The following TRMT10B variants were observed in gnomAD, a reference collection of about 807,000 sequenced individuals.
TRMT10B encodes tRNA methyltransferase 10B.
A neutral mutation model predicts 43.8 loss-of-function variants in TRMT10B; 33 were observed. The observed-to-expected ratio is 0.75, with a 90% CI of 0.57 to 1.01. The LOEUF is 1.01. Ranked by LOEUF, TRMT10B falls within the 50% of genes least tolerant of loss-of-function variation. The pLI, the probability that TRMT10B is intolerant of heterozygous loss-of-function variation, is 0.00. For missense variants in TRMT10B, 362 were observed against 369.8 expected (o/e 0.98, Z 0.17); for synonymous variants, 137 against 130.6 (o/e 1.05, Z -0.34).
chr9:37,752,952 A>G (rs1239207259), upstream of TRMT10B, among the ~76,000 whole-genome samples: 2 of 152,070 alleles, frequency 1.3e-5, no homozygotes, highest in African/African-American at 4.8e-5. Flanking sequence ...GTTCTTTGTA[A>G]TAAATCTTGT....
At chr9:37,763,806 A>G (rs1215926110) in intron 4 of TRMT10B, 53 bp downstream of exon 4, 1 of 1,612,058 alleles carries the variant, frequency 6.2e-7, no homozygotes, top group Non-Finnish European at 8.5e-7. Context: ...GAGGCCCAGA[A>G]GGGTACAGCT....
chr9:37,778,504 G>A lies in TRMT10B; in HGVS notation c.*797G>A, dbSNP rs62539385. 1 of 150,318 alleles carries A rather than the reference G, an allele frequency of 6.7e-6. No homozygotes were observed. The highest frequency in any genetic ancestry group is 1.9e-4 in the East Asian group (1 of 5,154). 9.3% of individuals were successfully genotyped at this position (150,318 alleles called of 1,614,324 possible). ...CGACAGAGCCAGACTCTTGTCTCGAGGGGAAAAAAAAAAAAAATTATGTAA... is the reference window on the plus strand; with the variant it reads ...CGACAGAGCCAGACTCTTGTCTCGAAGGGAAAAAAAAAAAAAATTATGTAA... On this transcript the variant is annotated 3_prime_UTR_variant, in exon 9 of 9. Transcript: ENST00000297994.
chr9:37,761,683 A>G (rs1162422936), intron 1 of TRMT10B, among the ~76,000 whole-genome samples: 3 of 152,196 alleles, frequency 2.0e-5, no homozygotes, highest in Admixed American at 6.5e-5. Flanking sequence ...GAGTAACGAG[A>G]GCAAAACCGT....
chr9:37,778,919 C>T lies in TRMT10B; in HGVS notation c.*1212C>T, dbSNP rs1047718343. On this transcript the variant is annotated 3_prime_UTR_variant, in exon 9 of 9. Coordinates refer to ENST00000297994, the MANE Select transcript of TRMT10B (RefSeq NM_144964.4). ...TCTTTCTATCCTCCCTGAGCCTGTA[C>T]CAACTAGATTCTTCATATGTATTTG... 2.0e-5 allele frequency: 3 copies of T among 152,280 alleles called. No homozygotes were observed. The highest frequency in any genetic ancestry group is 4.8e-5 in the African/African-American group (2 of 41,548). The allele number at this position is 152,280 out of a possible 1,614,324, so 9.4% of individuals were successfully genotyped here. A position where few individuals can be genotyped will look rare whatever the true frequency, so the allele number is the denominator to read the frequency against.
chr9:37,773,867 C>CT (rs1487240781), intron 7 of TRMT10B, among the ~76,000 whole-genome samples: 1 of 148,038 alleles, frequency 6.8e-6, no homozygotes, highest in Non-Finnish European at 1.5e-5. Flanking sequence ...TGGAGGACTA[C>CT]TTGAACCCAA....
At chr9:37,763,243 T>C (rs1826612022) in intron 3 of TRMT10B, among the ~76,000 whole-genome samples, 1 of 151,710 alleles carries the variant, frequency 6.6e-6, no homozygotes, top group South Asian at 2.1e-4. Flanking sequence ...ATAGGAGTGA[T>C]ACCAGCAACA....
In TRMT10B at chr9:37,776,359, C is replaced by T; in HGVS notation, c.798C>T (p.Asn266=). The T allele has an allele frequency of 6.2e-7, 1 of 1,612,448 alleles. No individual in the cohort carries two copies. The highest frequency in any genetic ancestry group is 8.5e-7 in the Non-Finnish European group (1 of 1,179,222). ...CAATCCAGGAATACATGGTCAGAAACCAGAATGGGAAAAACTATCATTCAG... is the reference window on the plus strand; with the variant it reads ...CAATCCAGGAATACATGGTCAGAAATCAGAATGGGAAAAACTATCATTCAG... ...RLPIQEYMVR[N]QNGKNYHSEI... is the part of the protein sequence containing the mutation. The change falls in exon 8 of 9, where the codon AAC becomes AAT. Residue 266 remains asparagine (N), a synonymous_variant. Coordinates refer to ENST00000297994, the MANE Select transcript of TRMT10B (RefSeq NM_144964.4).
chr9:37,759,591 G>T (rs954784874), intron 1 of TRMT10B, among the ~76,000 whole-genome samples: 2 of 152,194 alleles, frequency 1.3e-5, no homozygotes, highest in Non-Finnish European at 2.9e-5. Context: ...GCCAAGGCAG[G>T]TGAATCACTT....
rs1259559731 is a variant in TRMT10B at position 37,769,994 on chromosome 9, G to T, written c.627G>T (p.Val209=). Reference sequence around the variant, plus strand: ...GTTTATTTCCCTTGGAAACCCTTGTGTACCTGACTCCTGACTCAGAACACG... The same window carrying T: ...GTTTATTTCCCTTGGAAACCCTTGTTTACCTGACTCCTGACTCAGAACACG... ...CFSLFPLETL[V]YLTPDSEHAL... The change falls in exon 6 of 9, where the codon GTG becomes GTT. Residue 209 remains valine, a synonymous_variant. Transcript: ENST00000297994. The T allele has an allele frequency of 1.2e-6, 2 of 1,613,954 alleles. No homozygotes were observed. The highest frequency in any genetic ancestry group is 1.1e-5 in the South Asian group (1 of 91,090).
In TRMT10B at chr9:37,763,698, A is replaced by G. The variant is rs1186265044; in HGVS notation, c.365A>G (p.His122Arg). The G allele has an allele frequency of 6.2e-7, 1 of 1,614,042 alleles. No homozygotes were observed. The highest frequency in any genetic ancestry group is 8.5e-7 in the Non-Finnish European group (1 of 1,180,024). ...LTKDKLLEAK[H>R]SGPRLCIDLS... ...AAAGACAAACTTTTGGAAGCCAAACACTCAGGACCAAGACTATGTATCGAT... is the reference window on the plus strand; with the variant it reads ...AAAGACAAACTTTTGGAAGCCAAACGCTCAGGACCAAGACTATGTATCGAT... Residue 122 changes from histidine to arginine, a missense_variant, in exon 4 of 9, where the codon CAC becomes CGC. His to Arg is a conservative substitution (Grantham distance 29, BLOSUM62 0). Transcript: ENST00000297994.
chr9:37,768,745 A>G (rs10115653), intron 5 of TRMT10B, among the ~76,000 whole-genome samples: 79,187 of 152,050 alleles, frequency 0.52, 20,967 homozygotes, highest in Middle Eastern at 0.58. Flanking sequence ...AGCAGTTGTG[A>G]CCTTCCCCAG....
chr9:37,759,129 A>G (rs1342527686), intron 1 of TRMT10B, among the ~76,000 whole-genome samples: 2 of 152,250 alleles, frequency 1.3e-5, no homozygotes, highest in East Asian at 3.8e-4. Flanking sequence ...GCTATGACCT[A>G]GCAATTCTAC....
At position 37,762,019 on chromosome 9, in the gene TRMT10B, G is replaced by C; in HGVS notation, c.88G>C (p.Asp30His). ...QEGILEETGE[D>H]GLPEGFQLLQ... Reference sequence around the variant, plus strand: ...AGGCATCCTAGAGGAGACAGGTGAAGATGGACTTCCTGAAGGCTTCCAGCT... The same window carrying C: ...AGGCATCCTAGAGGAGACAGGTGAACATGGACTTCCTGAAGGCTTCCAGCT... Residue 30 changes from aspartate (D) to histidine (H), a missense_variant, in exon 2 of 9, where the codon GAT (aspartate) becomes CAT (histidine). Coordinates refer to ENST00000297994, the MANE Select transcript of TRMT10B (RefSeq NM_144964.4). 6.2e-7 allele frequency: 1 copy of C among 1,614,160 alleles called. No homozygotes were observed. Among genetic ancestry groups the C allele is most frequent in the Non-Finnish European group, 8.5e-7 (1 of 1,180,034 alleles).
intron 3 of TRMT10B, 148 bp from the exon 4 acceptor site, chr9:37,763,481 C>T: frequency 3.0e-6 from 2 of 659,976 alleles, no homozygotes. Context: ...CTCCTCACCA[C>T]TCTGTGTAAA....
intron 7 of TRMT10B, among the ~76,000 whole-genome samples, chr9:37,775,722 A>G (rs1300779203): frequency 6.6e-6 from 1 of 152,004 alleles, no homozygotes; most frequent in Non-Finnish European, 1.5e-5. Context: ...TTATTTGTAG[A>G]GACAGGATCT....
chr9:37,762,509 T>C (rs1248979351), intron 2 of TRMT10B, 68 bp from the exon 3 acceptor site: 3 of 1,511,964 alleles, frequency 2.0e-6, no homozygotes, highest in Admixed American at 5.0e-5. Flanking sequence ...CAAATGTTTC[T>C]AATGTTCATT....
At chr9:37,768,446 C>T (rs181243683) in intron 5 of TRMT10B, among the ~76,000 whole-genome samples, 202 of 152,196 alleles carry the variant, frequency 1.3e-3, no homozygotes, top group Non-Finnish European at 2.4e-3. Context: ...TTTTGTATCC[C>T]GTATATTTAT....
At chr9:37,775,845 T>C (rs372599152) in intron 7 of TRMT10B, among the ~76,000 whole-genome samples, 1 of 152,256 alleles carries the variant, frequency 6.6e-6, no homozygotes, top group Non-Finnish European at 1.5e-5. Flanking sequence ...AATTGGGCTC[T>C]CTCTTCTCAC....
Position 37,770,713 on chromosome 9 carries a change from G to C in TRMT10B, c.694G>C (p.Gly232Arg), listed in dbSNP as rs1292246922. 1.9e-6 allele frequency: 3 copies of C among 1,613,722 alleles called. No homozygotes were observed. Among genetic ancestry groups the C allele is most frequent in the African/African-American group, 2.7e-5 (2 of 74,876 alleles). Residue 232 changes from glycine (G) to arginine (R), a missense_variant, in exon 7 of 9, where the codon GGG becomes CGG. Coordinates refer to ENST00000297994, the MANE Select transcript of TRMT10B (RefSeq NM_144964.4). ...TCTAAACAAAGTTTACATCCTCGGT[G>C]GGCTTGTGGATGAAAGCATTCAGAA... ...VDLNKVYILG[G>R]LVDESIQKKV...
Sources: gnomAD v4.1 joint callset for allele counts (sites outside exome capture counted in the v4.1 genomes callset) on GRCh38, gnomAD v4.1.1 for gene constraint, MANE v1.5 for transcripts, NCBI Gene and HGNC (gene_info 2026-07-23, HGNC 2026-07-21) for gene names.